The following GRM3 variants were observed in gnomAD, a reference collection of about 807,000 sequenced individuals.
GRM3 encodes metabotropic glutamate receptor 3.
In GRM3, 26 loss-of-function variants were observed where a neutral mutation model predicts 70.5. The ratio of observed to expected loss-of-function variants is 0.37; its 90% CI spans 0.27 to 0.51. GRM3 has a LOEUF of 0.51. GRM3 is among the 20% of genes least tolerant of loss of function. The pLI, the probability that GRM3 is intolerant of heterozygous loss-of-function variation, is 0.93. For missense variants in GRM3, 859 were observed against 1,123.8 expected (o/e 0.76, Z 3.37); for synonymous variants, 443 against 434.9 (o/e 1.02, Z -0.23).
At chr7:86,655,838 G>GTGTA (rs1793723041) in intron 1 of GRM3, among the ~76,000 whole-genome samples, 2 of 134,308 alleles carry the variant, frequency 1.5e-5, no homozygotes, top group South Asian at 4.5e-4. Context: ...GTGTGTGTGT[G>GTGTA]TGTGTGTGTG....
At chr7:86,826,629 C>A (rs981515849) in intron 3 of GRM3, among the ~76,000 whole-genome samples, 1 of 152,180 alleles carries the variant, frequency 6.6e-6, no homozygotes, top group East Asian at 1.9e-4. Context: ...TATGGTGACA[C>A]CATAAGGAAT....
At chr7:86,726,541 T>C (rs1280006149) in intron 1 of GRM3, among the ~76,000 whole-genome samples, 1 of 152,188 alleles carries the variant, frequency 6.6e-6, no homozygotes, top group Non-Finnish European at 1.5e-5. Flanking sequence ...CTCTCCAAAT[T>C]CTTTTCTGAA....
At chr7:86,736,126 G>C (rs1379164201) in intron 1 of GRM3, among the ~76,000 whole-genome samples, 1 of 152,176 alleles carries the variant, frequency 6.6e-6, no homozygotes, top group Non-Finnish European at 1.5e-5. Context: ...AATATATACA[G>C]AAAAATATTC....
chr7:86,807,629 C>T (rs1430366805), intron 3 of GRM3, among the ~76,000 whole-genome samples: 1 of 152,092 alleles, frequency 6.6e-6, no homozygotes, highest in Non-Finnish European at 1.5e-5. Flanking sequence ...TGCTTATCAG[C>T]TTAAGGGGAT....
intron 2 of GRM3, among the ~76,000 whole-genome samples, chr7:86,768,926 G>A (rs1408723604): frequency 2.6e-5 from 4 of 152,136 alleles, no homozygotes; most frequent in Non-Finnish European, 5.9e-5. Flanking sequence ...AATAAGAGTT[G>A]TTAGGTGGCT....
At position 86,793,458 on chromosome 7, in the gene GRM3, C is replaced by G. The variant is rs530550830; in HGVS notation, c.1324+6342C>G. Among the ~76,000 whole-genome samples, 8 of 152,346 alleles carry G rather than the reference C, an allele frequency of 5.3e-5. No homozygotes were observed. In the South Asian group the frequency reaches 1.7e-3, roughly 32 times the overall value. ...ACTGCTCTTGATCTTGCTTCCTCCC[C>G]TGGAACATTTGTAGTTCCCACAAAA... is the stretch of plus-strand genomic sequence containing the variant. On this transcript the variant is annotated intron_variant, in intron 3 of 5. Coordinates refer to ENST00000361669, the MANE Select transcript of GRM3 (RefSeq NM_000840.3).
chr7:86,762,120 T>C (rs1466750968), intron 1 of GRM3, among the ~76,000 whole-genome samples: 2 of 152,160 alleles, frequency 1.3e-5, no homozygotes, highest in Non-Finnish European at 2.9e-5. Flanking sequence ...GCAGTGTCTT[T>C]TGCCTTCCAT....
At chr7:86,747,329 G>A (rs1014491036) in intron 1 of GRM3, among the ~76,000 whole-genome samples, 3 of 151,494 alleles carry the variant, frequency 2.0e-5, no homozygotes, top group South Asian at 2.1e-4. Context: ...ATACCTTCAG[G>A]GTAAAAGGGA....
chr7:86,718,917 T>A (rs1292102523), intron 1 of GRM3, among the ~76,000 whole-genome samples: 1 of 152,010 alleles, frequency 6.6e-6, no homozygotes. Context: ...GAATCGCCAC[T>A]GCTTTTGAGC....
At chr7:86,831,049 C>G (rs979871403) in intron 3 of GRM3, among the ~76,000 whole-genome samples, 1 of 152,118 alleles carries the variant, frequency 6.6e-6, no homozygotes, top group African/African-American at 2.4e-5. Context: ...AAGAAACAAA[C>G]CTTGCTGACA....
At chr7:86,762,204 T>C (rs1397013185) in intron 1 of GRM3, among the ~76,000 whole-genome samples, 2 of 152,134 alleles carry the variant, frequency 1.3e-5, no homozygotes, top group African/African-American at 4.8e-5. Flanking sequence ...AAAAAAATTC[T>C]ACTACAGTAT....
rs373729014 is a variant in GRM3 at position 86,724,654 on chromosome 7, A to G, written c.-140-40352A>G. On this transcript the variant is annotated intron_variant, in intron 1 of 5. Coordinates refer to ENST00000361669, the MANE Select transcript of GRM3 (RefSeq NM_000840.3). ...CACCTGGCAATATTGTTTAAACTAT[A>G]GATTCTGATTCAATAGGCCTGGGAT... is the stretch of plus-strand genomic sequence containing the variant. 2.6e-5 allele frequency among the ~76,000 whole-genome samples: 4 copies of G among 152,278 alleles called. No individual in the cohort carries two copies. In the East Asian group the frequency reaches 5.8e-4, roughly 22 times the overall value.
chr7:86,760,345 G>T (rs1584221013), intron 1 of GRM3, among the ~76,000 whole-genome samples: 1 of 152,122 alleles, frequency 6.6e-6, no homozygotes, highest in Admixed American at 6.6e-5. Flanking sequence ...TTCTATTAAT[G>T]CATGAATTAA....
intron 3 of GRM3, among the ~76,000 whole-genome samples, chr7:86,804,765 G>A (rs1327596133): frequency 6.6e-6 from 1 of 152,050 alleles, no homozygotes; most frequent in African/African-American, 2.4e-5. Flanking sequence ...CTGTTTCTGG[G>A]GAAAAATAGA....
chr7:86,761,105 A>C (rs893333221), intron 1 of GRM3, among the ~76,000 whole-genome samples: 1 of 152,186 alleles, frequency 6.6e-6, no homozygotes, highest in Non-Finnish European at 1.5e-5. Flanking sequence ...AAAAATGTGT[A>C]AGCATTTAGA....
chr7:86,860,830 T>C (rs1798942027), intron 5 of GRM3, among the ~76,000 whole-genome samples: 1 of 152,144 alleles, frequency 6.6e-6, no homozygotes, highest in South Asian at 2.1e-4. Context: ...TAGAATGCAA[T>C]GGGCAAGTTG....
At chr7:86,792,043 A>T (rs1448051471) in intron 3 of GRM3, among the ~76,000 whole-genome samples, 2 of 152,360 alleles carry the variant, frequency 1.3e-5, no homozygotes, top group Middle Eastern at 3.4e-3. Context: ...TTTATGATGT[A>T]AAAGAAAGCT....
chr7:86,714,243 A>G (rs1462554211), intron 1 of GRM3, among the ~76,000 whole-genome samples: 1 of 152,022 alleles, frequency 6.6e-6, no homozygotes, highest in Non-Finnish European at 1.5e-5. Context: ...CTCTGCCTCT[A>G]AGGAGACCAG....
At chr7:86,707,825 G>T (rs541248653) in intron 1 of GRM3, among the ~76,000 whole-genome samples, 1 of 151,968 alleles carries the variant, frequency 6.6e-6, no homozygotes, top group Non-Finnish European at 1.5e-5. Context: ...CACTAAACCT[G>T]GGAGACATAA....
Sources: gnomAD v4.1 joint callset for allele counts (sites outside exome capture counted in the v4.1 genomes callset) on GRCh38, gnomAD v4.1.1 for gene constraint, MANE v1.5 for transcripts, NCBI Gene and HGNC (gene_info 2026-07-23, HGNC 2026-07-21) for gene names.